The following MYEF2 variants were observed in gnomAD, a reference collection of about 807,000 sequenced individuals.
MYEF2 encodes myelin expression factor 2.
Under a neutral mutation model 75.2 loss-of-function variants are expected in MYEF2, and 37 were observed. The observed-to-expected ratio is 0.49, with a 90% CI of 0.38 to 0.65. MYEF2 has a LOEUF of 0.65. Ranked by LOEUF, MYEF2 falls within the 30% of genes least tolerant of loss-of-function variation. The pLI is 0.00. For missense variants in MYEF2, 634 were observed against 771.4 expected (o/e 0.82, Z 2.11); for synonymous variants, 195 against 241.6 (o/e 0.81, Z 1.79).
intron 14 of MYEF2, among the ~76,000 whole-genome samples, chr15:48,150,538 A>ATTTTTT: frequency 6.6e-6 from 1 of 152,026 alleles, no homozygotes; most frequent in South Asian, 2.1e-4. Context: ...TAAGGCCTAA[A>ATTTTTT]AGGTAGGAGT....
chr15:48,145,474 T>G (rs1002778452), intron 16 of MYEF2, among the ~76,000 whole-genome samples: 1 of 151,848 alleles, frequency 6.6e-6, no homozygotes, highest in Non-Finnish European at 1.5e-5. Flanking sequence ...GACTGATATT[T>G]TGGCAACAGC....
Position 48,142,839 on chromosome 15 carries a change from T to C in MYEF2, c.*69A>G. 6.9e-7 allele frequency: 1 copy of C among 1,444,514 alleles called. No homozygotes were observed. Among genetic ancestry groups the C allele is most frequent in the Non-Finnish European group, 9.3e-7 (1 of 1,073,200 alleles). 89.5% of individuals were successfully genotyped at this position (1,444,514 alleles called of 1,614,324 possible). ...GCTTTTGTAAGCATACAATATTACT[T>C]TAAAAAAATGACTTTTACTAGGAGA... On this transcript the variant is annotated 3_prime_UTR_variant, in exon 17 of 17. Transcript: ENST00000324324.
chr15:48,153,930 A>C, intron 9 of MYEF2, 37 bp from the exon 10 acceptor site: 1 of 1,548,192 alleles, frequency 6.5e-7, no homozygotes, highest in Non-Finnish European at 8.9e-7. Flanking sequence ...ACAAAGATCC[A>C]TATATGATTA....
In MYEF2 at chr15:48,178,087, C is replaced by T. The variant is rs1222463362; in HGVS notation, c.151G>A (p.Gly51Ser). Reference protein sequence around the residue: ...QQPQHSSSSNGVKMENDESAK... With the variant: ...QQPQHSSSSNSVKMENDESAK... ...AGGAAAAGACAATACATTTTAACGC[C>T]ATTGGAGCTGCTGCTGTGCTGCGGC... Residue 51 changes from glycine (G) to serine (S), a missense_variant, in exon 1 of 17, where the codon GGC becomes AGC. Transcript: ENST00000324324. 1 of 1,599,772 alleles carries T rather than the reference C, an allele frequency of 6.3e-7. No individual in the cohort carries two copies. The highest frequency in any genetic ancestry group is 8.5e-7 in the Non-Finnish European group (1 of 1,173,650).
At position 48,140,933 on chromosome 15, in the gene MYEF2, G is replaced by A. The variant is rs533615990; in HGVS notation, c.*1975C>T. The A allele has an allele frequency of 5.8e-5, 29 of 503,518 alleles. No individual in the cohort carries two copies. The East Asian group carries it at 6.9e-4, about 12-fold the overall frequency. The allele number at this position is 503,518 out of a possible 1,614,324, so 31.2% of individuals were successfully genotyped here. ...AAAATCTGTGCTACCTGGGTTACCC[G>A]AATTACCAGCCTGATTCAAATATGT... is the stretch of plus-strand genomic sequence containing the variant. On this transcript the variant is annotated 3_prime_UTR_variant, in exon 17 of 17. Transcript: ENST00000324324.
intron 1 of MYEF2, 79 bp downstream of exon 1, chr15:48,177,998 G>T: frequency 6.6e-7 from 1 of 1,515,496 alleles, no homozygotes; most frequent in East Asian, 2.7e-5. Flanking sequence ...TCCCCCATCG[G>T]GGCACAGCCC....
At chr15:48,168,929 C>T (rs762572929) in intron 1 of MYEF2, 90 bp from the exon 2 acceptor site, 153 of 1,029,460 alleles carry the variant, frequency 1.5e-4, no homozygotes, top group Non-Finnish European at 2.0e-4. Context: ...CCATATTTAT[C>T]ACCTCACAAA....
In MYEF2 at chr15:48,149,006, A is replaced by AT. The variant is rs769109905; in HGVS notation, c.1639+25dup. The AT allele has an allele frequency of 1.2e-6, 2 of 1,610,884 alleles. No homozygotes were observed. The highest frequency in any genetic ancestry group is 1.7e-6 in the Non-Finnish European group (2 of 1,177,666). On this transcript the variant is annotated intron_variant, in intron 16 of 16. Coordinates refer to ENST00000324324, the MANE Select transcript of MYEF2 (RefSeq NM_016132.5). This position sits in a 1 kb window ranked among gnomAD's most constrained non-coding sequence, Gnocchi z 4.0. ...ATTTTCCTCCATAATCAATATCAAC[A>AT]TATCTGCAGTCATTTGCATACTTAC...
At position 48,137,112 on chromosome 15, in the gene MYEF2, G is replaced by T; in HGVS notation, c.*5796C>A. On this transcript the variant is annotated 3_prime_UTR_variant, in exon 17 of 17. Transcript: ENST00000324324. ...TAAAGACCAAGTCCCTACCTTTAAG[G>T]AACTTCCAATATCACAGGAAATACA... The T allele has an allele frequency of 1.3e-6, 1 of 748,174 alleles. No homozygotes were observed. The highest frequency in any genetic ancestry group is 2.3e-5 in the South Asian group (1 of 43,960). The allele number at this position is 748,174 out of a possible 1,614,324, so 46.3% of individuals were successfully genotyped here. A position where few individuals can be genotyped will look rare whatever the true frequency, so the allele number is the denominator to read the frequency against.
chr15:48,158,097 A>G lies in MYEF2; in HGVS notation c.922-41T>C, dbSNP rs746078215. 1.2e-5 allele frequency: 20 copies of G among 1,611,612 alleles called. No homozygotes were observed. The South Asian group carries it at 1.6e-4, about 13-fold the overall frequency. On this transcript the variant is annotated intron_variant, in intron 8 of 16. Transcript: ENST00000324324. ...TTTATAATATGGTTAACATATTACC[A>G]CAAAGAACTGTAATGTAGAAGAGAG... is the stretch of plus-strand genomic sequence containing the variant.
chr15:48,136,697 T>C lies in MYEF2; in HGVS notation c.*6211A>G. 1 of 1,607,714 alleles carries C rather than the reference T, an allele frequency of 6.2e-7. No individual in the cohort carries two copies. The highest frequency in any genetic ancestry group is 8.5e-7 in the Non-Finnish European group (1 of 1,176,526). On this transcript the variant is annotated 3_prime_UTR_variant, in exon 17 of 17. Transcript: ENST00000324324. ...CTCTTTTGTAGGTATGAAGGGGCTT[T>C]ACTGCTTTTGATATATGGATTGTAT... is the stretch of plus-strand genomic sequence containing the variant.
chr15:48,158,838 T>C lies in MYEF2; in HGVS notation c.802A>G (p.Lys268Glu). The stretch of plus-strand genomic sequence containing the variant: ...CCCATTCCTCTGCTCTTGCCATCTT[T>C]GTCTTCTTTAATATCTGCCCGCTTC... The part of the protein sequence containing the change: ...TVKRADIKED[K>E]DGKSRGMGTV... The change falls in exon 7 of 17, where the codon AAA (lysine) becomes GAA (glutamate). Residue 268 changes from lysine to glutamate, a missense_variant. Lys to Glu is a moderately conservative substitution (Grantham distance 56). Coordinates refer to ENST00000324324, the MANE Select transcript of MYEF2 (RefSeq NM_016132.5). 4 of 1,613,874 alleles carry C rather than the reference T, an allele frequency of 2.5e-6. No individual in the cohort carries two copies. The highest frequency in any genetic ancestry group is 3.4e-6 in the Non-Finnish European group (4 of 1,179,818).
chr15:48,170,762 T>C (rs1394441629), intron 1 of MYEF2, among the ~76,000 whole-genome samples: 3 of 152,202 alleles, frequency 2.0e-5, no homozygotes, highest in East Asian at 1.9e-4. Context: ...AAATATAGTA[T>C]GTAAACTCTA....
rs2039061303 is a variant in MYEF2 at position 48,141,004 on chromosome 15, C to T, written c.*1904G>A. 2 of 832,462 alleles carry T rather than the reference C, an allele frequency of 2.4e-6. No homozygotes were observed. The highest frequency in any genetic ancestry group is 3.8e-6 in the Non-Finnish European group (2 of 521,670). 51.6% of individuals were successfully genotyped at this position (832,462 alleles called of 1,614,324 possible). A position where few individuals can be genotyped will look rare whatever the true frequency, so the allele number is the denominator to read the frequency against. On this transcript the variant is annotated 3_prime_UTR_variant, in exon 17 of 17. Coordinates refer to ENST00000324324, the MANE Select transcript of MYEF2 (RefSeq NM_016132.5). ...AGCAAGCACATATTGGCTCTGAATT[C>T]TAAATGTGCCTATTTTATTTTTGTT...
At chr15:48,159,508 TTTAG>T in intron 6 of MYEF2, 101 bp downstream of exon 6, 1 of 975,472 alleles carries the variant, frequency 1.0e-6, no homozygotes, top group Non-Finnish European at 1.5e-6. Flanking sequence ...TTTCACTTAC[TTTAG>T]TTAAAAATAA....
In MYEF2 at chr15:48,152,265, T is replaced by C; in HGVS notation, c.1107A>G (p.Pro369=). ...LGPGGMGMDG[P]GFGGMNRIGG... ...CAATTCTATTCATTCCTCCAAAACC[T>C]GGACCATCCATTCCCATACCTCAAA... Residue 369 remains proline, a synonymous_variant, in exon 11 of 17, where the codon CCA becomes CCG. Transcript: ENST00000324324. 6.2e-7 allele frequency: 1 copy of C among 1,611,964 alleles called. No individual in the cohort carries two copies. Among genetic ancestry groups the C allele is most frequent in the Non-Finnish European group, 8.5e-7 (1 of 1,178,458 alleles).
chr15:48,151,639 G>T, intron 12 of MYEF2, 68 bp from the exon 13 acceptor site: 1 of 1,424,522 alleles, frequency 7.0e-7, no homozygotes, highest in East Asian at 2.3e-5. Flanking sequence ...ATTCAGGAAT[G>T]TATCTAAATT....
At position 48,178,136 on chromosome 15, in the gene MYEF2, G is replaced by A. The variant is rs199845541; in HGVS notation, c.102C>T (p.His34=). 2.0e-4 allele frequency: 312 copies of A among 1,583,876 alleles called. 1 individual carries two copies. The African/African-American group carries it at 3.9e-3, about 20-fold the overall frequency. Residue 34 remains histidine (H), a synonymous_variant, in exon 1 of 17, where the codon CAC becomes CAT. Transcript: ENST00000324324. ...GCTGCTGCTTCTCCGCCTCCGCGGGGTGCGGCTCTCGCCGCGGCTCGCCCG... is the reference window on the plus strand; with the variant it reads ...GCTGCTGCTTCTCCGCCTCCGCGGGATGCGGCTCTCGCCGCGGCTCGCCCG... ...EPPGEPRREP[H]PAEAEKQQPQ... is the part of the protein sequence containing the mutation.
At chr15:48,171,381 T>C (rs2040335962) in intron 1 of MYEF2, among the ~76,000 whole-genome samples, 1 of 152,164 alleles carries the variant, frequency 6.6e-6, no homozygotes, top group South Asian at 2.1e-4. Context: ...ATTCTTGACT[T>C]AGGTGGGGTT....
Sources: gnomAD v4.1 joint callset for allele counts (sites outside exome capture counted in the v4.1 genomes callset) on GRCh38, gnomAD v4.1.1 for gene constraint, Gnocchi (gnomAD v3.1) non-coding constraint, MANE v1.5 for transcripts, NCBI Gene and HGNC (gene_info 2026-07-23, HGNC 2026-07-21) for gene names.